GABBR2: variants seen among roughly 807,000 people sequenced by gnomAD.
GABBR2 encodes gamma-aminobutyric acid type B receptor subunit 2.
In GABBR2, 23 loss-of-function variants were observed where a neutral mutation model predicts 105.6. The ratio of observed to expected loss-of-function variants is 0.22; its 90% CI spans 0.16 to 0.31. The LOEUF (loss-of-function observed/expected upper bound fraction) is 0.31. Among genes scored for constraint, GABBR2 ranks in the 10% least tolerant of loss-of-function variants. GABBR2 has a pLI of 1.00. For synonymous variants in GABBR2, 478 were observed against 499.7 expected (o/e 0.96, Z 0.58); for missense variants, 734 against 1,245.5 (o/e 0.59, Z 6.18).
At chr9:98,642,976 A>C (rs1387781055) in intron 1 of GABBR2, among the ~76,000 whole-genome samples, 1 of 152,122 alleles carries the variant, frequency 6.6e-6, no homozygotes, top group Non-Finnish European at 1.5e-5. Context: ...CCACATCATA[A>C]GCATTCTTCC....
intron 2 of GABBR2, among the ~76,000 whole-genome samples, chr9:98,546,250 C>T (rs1712502826): frequency 1.3e-5 from 2 of 151,996 alleles, no homozygotes; most frequent in Non-Finnish European, 2.9e-5. Flanking sequence ...ATAGATATAA[C>T]CAAACTAATT....
chr9:98,353,165 A>G (rs1459386656), intron 13 of GABBR2, among the ~76,000 whole-genome samples: 5 of 152,068 alleles, frequency 3.3e-5, no homozygotes, highest in Non-Finnish European at 7.4e-5. Context: ...ACCACTAAAG[A>G]TCTATTTTCC....
intron 13 of GABBR2, among the ~76,000 whole-genome samples, chr9:98,362,292 G>A (rs1434536951): frequency 6.6e-6 from 1 of 152,196 alleles, no homozygotes; most frequent in Non-Finnish European, 1.5e-5. Flanking sequence ...GATTTCAAAT[G>A]TGTGAAAAGA....
chr9:98,426,622 C>A (rs1427375745), intron 7 of GABBR2, among the ~76,000 whole-genome samples: 3 of 152,166 alleles, frequency 2.0e-5, no homozygotes, highest in South Asian at 2.1e-4. Flanking sequence ...CCAGATGGCT[C>A]CACAAGGGAG....
chr9:98,649,213 C>T (rs1830071527), intron 1 of GABBR2, among the ~76,000 whole-genome samples: 1 of 152,142 alleles, frequency 6.6e-6, no homozygotes, highest in Non-Finnish European at 1.5e-5. Flanking sequence ...TCAATTTGAC[C>T]AATTTTTCTC....
At chr9:98,486,385 A>C (rs557640055) in intron 4 of GABBR2, among the ~76,000 whole-genome samples, 1 of 152,344 alleles carries the variant, frequency 6.6e-6, no homozygotes, top group South Asian at 2.1e-4. Flanking sequence ...TGCAATCCTG[A>C]GCCACTGAAA....
intron 1 of GABBR2, among the ~76,000 whole-genome samples, chr9:98,654,854 C>T (rs1830157789): frequency 6.6e-6 from 1 of 152,206 alleles, no homozygotes; most frequent in Non-Finnish European, 1.5e-5. Context: ...CCAAGATGTC[C>T]TTCAGTAGGT....
Position 98,362,655 on chromosome 9 carries a change from G to A in GABBR2, c.1893+60C>T, listed in dbSNP as rs911907551. On this transcript the variant is annotated intron_variant, in intron 13 of 18. Transcript: ENST00000259455. ...AGTCTGGGAGCTGTGCAGCCTCACT[G>A]TCCTCATGTGCCAGGGGCTGCATCT... The A allele has an allele frequency of 3.6e-6, 5 of 1,394,864 alleles. No individual in the cohort carries two copies. In the South Asian group the frequency reaches 5.5e-5, roughly 15 times the overall value. 86.4% of individuals were successfully genotyped at this position (1,394,864 alleles called of 1,614,324 possible).
At position 98,306,752 on chromosome 9, in the gene GABBR2, T is replaced by C. The variant is rs1253056436; in HGVS notation, c.2005-407A>G. 3.3e-5 allele frequency among the ~76,000 whole-genome samples: 5 copies of C among 152,134 alleles called. No individual in the cohort carries two copies. Among genetic ancestry groups the C allele is most frequent in the South Asian group, 2.1e-4 (1 of 4,824 alleles). On this transcript the variant is annotated intron_variant, in intron 14 of 18. Transcript: ENST00000259455. The surrounding 1 kb of genome is among the most constrained non-coding windows in gnomAD (Gnocchi z 5.4). Reference sequence around the variant, plus strand: ...TATGGTAGCAAAAATGGGCTGTGTTTTTAGAAATTCACTCCAGTCTTTTTT... The same window carrying C: ...TATGGTAGCAAAAATGGGCTGTGTTCTTAGAAATTCACTCCAGTCTTTTTT...
intron 1 of GABBR2, among the ~76,000 whole-genome samples, chr9:98,585,637 A>G (rs1829062538): frequency 1.3e-5 from 2 of 152,088 alleles, no homozygotes; most frequent in East Asian, 3.8e-4. Context: ...AACTTAAAGT[A>G]TAATAATAAT....
chr9:98,703,475 T>C (rs186266761), intron 1 of GABBR2, among the ~76,000 whole-genome samples: 2 of 152,316 alleles, frequency 1.3e-5, no homozygotes, highest in South Asian at 2.1e-4. Flanking sequence ...CTCACGTTCT[T>C]TTTAAAATTT....
At chr9:98,386,298 T>G (rs1832071617) in intron 10 of GABBR2, among the ~76,000 whole-genome samples, 1 of 150,032 alleles carries the variant, frequency 6.7e-6, no homozygotes, top group African/African-American at 2.5e-5. Flanking sequence ...TTCCCCACAG[T>G]GAGGAGAAAG....
chr9:98,332,216 G>A (rs1467688892), intron 13 of GABBR2, among the ~76,000 whole-genome samples: 1 of 152,192 alleles, frequency 6.6e-6, no homozygotes. Context: ...AGGATTAAAT[G>A]AGTGGATGGC....
chr9:98,439,594 C>T (rs906129670), intron 7 of GABBR2, among the ~76,000 whole-genome samples: 1 of 152,060 alleles, frequency 6.6e-6, no homozygotes, highest in African/African-American at 2.4e-5. Flanking sequence ...AATATGAATA[C>T]CCATAGACCA....
chr9:98,639,051 C>T (rs1315468005), intron 1 of GABBR2, among the ~76,000 whole-genome samples: 1 of 152,148 alleles, frequency 6.6e-6, no homozygotes, highest in African/African-American at 2.4e-5. Context: ...CATTATTGGG[C>T]CACAAGAAAT....
At chr9:98,633,520 G>T (rs1168083185) in intron 1 of GABBR2, among the ~76,000 whole-genome samples, 1 of 151,618 alleles carries the variant, frequency 6.6e-6, no homozygotes, top group Non-Finnish European at 1.5e-5. Context: ...AGCTACTTGG[G>T]AGGCTGAGGT....
At chr9:98,301,711 C>G (rs73490781) in intron 16 of GABBR2, among the ~76,000 whole-genome samples, 11,656 of 152,220 alleles carry the variant, frequency 0.077, 1,536 homozygotes, top group African/African-American at 0.27. Flanking sequence ...CCTAATGTGA[C>G]TGAACTCTTC....
intron 5 of GABBR2, among the ~76,000 whole-genome samples, chr9:98,475,934 C>T (rs1328206264): frequency 2.0e-5 from 3 of 152,136 alleles, no homozygotes; most frequent in Non-Finnish European, 4.4e-5. Flanking sequence ...CATGGTGGCA[C>T]ATGCCTGTAA....
chr9:98,424,242 C>T (rs1311664140), intron 7 of GABBR2, among the ~76,000 whole-genome samples: 3 of 152,276 alleles, frequency 2.0e-5, no homozygotes, highest in Non-Finnish European at 4.4e-5. Flanking sequence ...ACATGATTAT[C>T]TCAATAGATG....
Sources: gnomAD v4.1 joint callset for allele counts (sites outside exome capture counted in the v4.1 genomes callset) on GRCh38, gnomAD v4.1.1 for gene constraint, Gnocchi (gnomAD v3.1) non-coding constraint, MANE v1.5 for transcripts, NCBI Gene and HGNC (gene_info 2026-07-23, HGNC 2026-07-21) for gene names.